Variants in DISP1 observed in about 807,000 individuals in gnomAD.
The protein encoded by DISP1 is dispatched RND transporter family member 1.
DISP1 carries 30 observed loss-of-function variants against 37.3 expected under a neutral mutation model. The ratio of observed to expected loss-of-function variants is 0.80; its 90% CI spans 0.60 to 1.09. The LOEUF (loss-of-function observed/expected upper bound fraction) is 1.09. DISP1 is among the 50% of genes least tolerant of loss of function. The pLI is 0.00. For missense variants in DISP1, 1,598 were observed against 1,879.5 expected (o/e 0.85, Z 2.77); for synonymous variants, 634 against 690.2 (o/e 0.92, Z 1.28).
Position 223,003,569 on chromosome 1 carries a change from G to C in DISP1, c.2172G>C (p.Trp724Cys), listed in dbSNP as rs376932856. Reference sequence around the variant, plus strand: ...AGTTTCGCTACCTTTGGCTGTTTTGGTTCCTTGCCTTAACTGTAGGTGGGG... The same window carrying C: ...AGTTTCGCTACCTTTGGCTGTTTTGCTTCCTTGCCTTAACTGTAGGTGGGG... ...VIKFRYLWLF[W>C]FLALTVGGAY... The change falls in exon 9 of 9, where the codon TGG (tryptophan) becomes TGC (cysteine). Residue 724 changes from tryptophan (W) to cysteine (C), a missense_variant. Trp to Cys is a radical substitution (Grantham distance 215). Coordinates refer to ENST00000675850, the MANE Select transcript of DISP1 (RefSeq NM_001377229.1). The surrounding 1 kb of genome is among the most constrained non-coding windows in gnomAD (Gnocchi z 4.3). 3 of 1,614,056 alleles carry C rather than the reference G, an allele frequency of 1.9e-6. No individual in the cohort carries two copies. The highest frequency in any genetic ancestry group is 1.3e-5 in the African/African-American group (1 of 74,920).
In DISP1 at chr1:222,991,559, G is replaced by A. The variant is rs1228999071; in HGVS notation, c.703G>A (p.Val235Ile). 6.2e-7 allele frequency: 1 copy of A among 1,613,862 alleles called. No homozygotes were observed. The highest frequency in any genetic ancestry group is 2.2e-5 in the East Asian group (1 of 44,810). ...PRGTAIGQRLVTWNNMVKNTG... is the reference protein window; with the variant it reads ...PRGTAIGQRLITWNNMVKNTG... ...AGGAACAGCAATAGGCCAGAGATTGGTCACATGGAATAATATGGTGAAAAA... is the reference window on the plus strand; with the variant it reads ...AGGAACAGCAATAGGCCAGAGATTGATCACATGGAATAATATGGTGAAAAA... The change falls in exon 6 of 9, where the codon GTC (valine) becomes ATC (isoleucine). Residue 235 changes from valine to isoleucine, a missense_variant. By Grantham distance (29) the Val-to-Ile change is conservative. Coordinates refer to ENST00000675850, the MANE Select transcript of DISP1 (RefSeq NM_001377229.1).
chr1:222,980,993 G>C (rs376341229), intron 3 of DISP1, among the ~76,000 whole-genome samples: 1 of 152,200 alleles, frequency 6.6e-6, no homozygotes, highest in East Asian at 1.9e-4. Context: ...CAGGAGGATC[G>C]CTGGAACCCA....
intron 8 of DISP1, among the ~76,000 whole-genome samples, chr1:223,000,261 G>A (rs1572738720): frequency 6.6e-6 from 1 of 152,146 alleles, no homozygotes; most frequent in Admixed American, 6.5e-5. Context: ...TCATCAAGCT[G>A]ACCCTAGTGG....
At chr1:222,929,627 C>A (rs1429106723) in intron 2 of DISP1, among the ~76,000 whole-genome samples, 1 of 152,064 alleles carries the variant, frequency 6.6e-6, no homozygotes, top group African/African-American at 2.4e-5. Flanking sequence ...GCTGGGAAAT[C>A]ACTAAACTGT....
At position 222,994,944 on chromosome 1, in the gene DISP1, C is replaced by T. The variant is rs758500459; in HGVS notation, c.949C>T (p.Pro317Ser). The T allele has an allele frequency of 6.2e-7, 1 of 1,612,818 alleles. No individual in the cohort carries two copies. The highest frequency in any genetic ancestry group is 1.1e-5 in the South Asian group (1 of 91,050). Residue 317 changes from proline to serine, a missense_variant, in exon 8 of 9, where the codon CCT (proline) becomes TCT (serine). Coordinates refer to ENST00000675850, the MANE Select transcript of DISP1 (RefSeq NM_001377229.1). ...TGGAGGGGAGACATTATGGAATTTA[C>T]CTGCAATTAAATCAATGTGCAATGT... ...SSGGETLWNLPAIKSMCNVDN... is the reference protein window; with the variant it reads ...SSGGETLWNLSAIKSMCNVDN...
intron 1 of DISP1, among the ~76,000 whole-genome samples, chr1:222,824,679 T>TA (rs1435971126): frequency 6.6e-6 from 1 of 152,122 alleles, no homozygotes; most frequent in Admixed American, 6.5e-5. Flanking sequence ...AAGTAGCAGA[T>TA]ACTTTAAAAA....
chr1:223,000,754 A>T (rs1236975010), intron 8 of DISP1, among the ~76,000 whole-genome samples: 1 of 152,290 alleles, frequency 6.6e-6, no homozygotes, highest in South Asian at 2.1e-4. Flanking sequence ...ATCATAGGTA[A>T]CTTGGTTCTT....
intron 2 of DISP1, among the ~76,000 whole-genome samples, chr1:222,933,208 A>C (rs1398463798): frequency 6.6e-6 from 1 of 151,944 alleles, no homozygotes; most frequent in Non-Finnish European, 1.5e-5. Flanking sequence ...TCTAGGGGGA[A>C]ACTTTATCTG....
In DISP1 at chr1:222,943,198, A is replaced by G. The variant is rs954497761; in HGVS notation, c.375A>G (p.Ala125=). Residue 125 remains alanine (A), a synonymous_variant, in exon 3 of 9, where the codon GCA becomes GCG. Transcript: ENST00000675850. ...CCMQPHSEYS[A]SLCPNHSPVY... ...TGCAGCCACACTCCGAGTATTCTGCATCTCTTTGTCCAAATCATTCACCTG... is the reference window on the plus strand; with the variant it reads ...TGCAGCCACACTCCGAGTATTCTGCGTCTCTTTGTCCAAATCATTCACCTG... The G allele has an allele frequency of 1.9e-5, 30 of 1,609,962 alleles. No individual in the cohort carries two copies. Among genetic ancestry groups the G allele is most frequent in the Non-Finnish European group, 2.5e-5 (29 of 1,176,618 alleles).
At chr1:222,949,157 G>A (rs987016904) in intron 3 of DISP1, among the ~76,000 whole-genome samples, 5 of 152,150 alleles carry the variant, frequency 3.3e-5, no homozygotes, top group African/African-American at 1.2e-4. Context: ...ACTTTGGGAG[G>A]CTGTGGCAGG....
chr1:222,968,824 T>C (rs1305036209), intron 3 of DISP1, among the ~76,000 whole-genome samples: 1 of 151,826 alleles, frequency 6.6e-6, no homozygotes, highest in Non-Finnish European at 1.5e-5. Flanking sequence ...TCCCAGCTAC[T>C]TGGGAGTCTG....
chr1:222,846,906 C>T (rs543930103), intron 1 of DISP1, among the ~76,000 whole-genome samples: 3 of 152,138 alleles, frequency 2.0e-5, no homozygotes, highest in South Asian at 2.1e-4. Flanking sequence ...GCATAGTTTC[C>T]GTTGTGATAA....
intron 1 of DISP1, among the ~76,000 whole-genome samples, chr1:222,873,515 T>C (rs983142220): frequency 6.6e-6 from 1 of 152,228 alleles, no homozygotes; most frequent in Non-Finnish European, 1.5e-5. Flanking sequence ...ATTGATCCCT[T>C]TACCATTATG....
At chr1:222,881,813 A>G (rs562892261) in intron 1 of DISP1, among the ~76,000 whole-genome samples, 2 of 152,310 alleles carry the variant, frequency 1.3e-5, no homozygotes, top group South Asian at 4.1e-4. Context: ...TTTAATTCTA[A>G]ATTTGGAAAG....
intron 1 of DISP1, among the ~76,000 whole-genome samples, chr1:222,885,519 G>C (rs1343553837): frequency 1.3e-5 from 2 of 149,904 alleles, no homozygotes; most frequent in African/African-American, 2.5e-5. Flanking sequence ...CCCAGGCTAG[G>C]GTGCAGTGGT....
At chr1:222,969,376 A>AAAAAAAAAAAAAAAAAAAAAAAAAT in intron 3 of DISP1, among the ~76,000 whole-genome samples, 1 of 149,644 alleles carries the variant, frequency 6.7e-6, no homozygotes, top group Admixed American at 6.7e-5. Flanking sequence ...GTCTCAAAAA[A>AAAAAAAAAAAAAAAAAAAAAAAAAT]AAAAAAAAAA....
intron 1 of DISP1, among the ~76,000 whole-genome samples, chr1:222,838,929 T>C (rs1181545041): frequency 6.6e-6 from 1 of 152,248 alleles, no homozygotes; most frequent in Non-Finnish European, 1.5e-5. Context: ...TGTTTTTCTA[T>C]TTGATTTGGT....
At chr1:222,856,299 G>A (rs1345420889) in intron 1 of DISP1, among the ~76,000 whole-genome samples, 1 of 152,202 alleles carries the variant, frequency 6.6e-6, no homozygotes, top group Non-Finnish European at 1.5e-5. Flanking sequence ...TCCAGGCTGT[G>A]TTGCTGTCAT....
At chr1:222,953,030 C>T (rs1419085181) in intron 3 of DISP1, among the ~76,000 whole-genome samples, 1 of 152,120 alleles carries the variant, frequency 6.6e-6, no homozygotes, top group African/African-American at 2.4e-5. Flanking sequence ...TTTATAGTTG[C>T]CGGGCTTTTT....
Sources: allele counts gnomAD v4.1 joint callset (sites outside exome capture counted in the v4.1 genomes callset), GRCh38; gene constraint gnomAD v4.1.1; non-coding constraint Gnocchi (gnomAD v3.1); transcripts MANE v1.5; gene names NCBI Gene and HGNC (gene_info 2026-07-23, HGNC 2026-07-21).